The following ZNF469 variants were observed in gnomAD, a reference collection of about 807,000 sequenced individuals.
The protein encoded by ZNF469 is zinc finger protein 469.
Under a neutral mutation model 1.0 loss-of-function variants are expected in ZNF469, and 1 was observed. The observed-to-expected ratio is 1.00, with a 90% CI of 0.35 to 4.73. The LOEUF is 4.73. Among genes scored for constraint, ZNF469 ranks in the 30% most tolerant of loss-of-function variants. The probability of loss-of-function intolerance (pLI) is 0.16; values close to 1 mark genes in which losing one functional copy is unlikely to be tolerated. For synonymous variants in ZNF469, 2,703 were observed against 2,363.4 expected, an observed-to-expected ratio of 1.14 and a Z score of -4.17; for missense variants, 6,100 against 5,356.3, an observed-to-expected ratio of 1.14 and a Z score of -4.33.
At chr16:88,407,629 G>A (rs1328446925) in intron 1 of ZNF469, among the ~76,000 whole-genome samples, 2 of 152,226 alleles carry the variant, frequency 1.3e-5, no homozygotes, top group Non-Finnish European at 2.9e-5. Context: ...AGAGTCATTT[G>A]CCCAGATGGC....
chr16:88,151,794 C>T, the ZNF469 span, among the ~76,000 whole-genome samples: 3 of 152,318 alleles, frequency 2.0e-5, no homozygotes, highest in East Asian at 5.8e-4. The surrounding 1 kb of genome is among the most constrained non-coding windows in gnomAD (Gnocchi z 5.4). Context: ...AGAACCTGAG[C>T]CCAGGCTTTG....
chr16:88,372,559 T>C, the ZNF469 span, among the ~76,000 whole-genome samples: 1 of 148,244 alleles, frequency 6.7e-6, no homozygotes, highest in Non-Finnish European at 1.5e-5. Flanking sequence ...CTTTACCATC[T>C]TCACCATCAT....
rs746516114 is a variant in ZNF469 at position 88,428,340 on chromosome 16, G to A, written c.870G>A (p.Ala290=). 1.4e-5 allele frequency: 22 copies of A among 1,549,680 alleles called. No homozygotes were observed. Among genetic ancestry groups the A allele is most frequent in the East Asian group, 4.9e-5 (2 of 40,894 alleles). ...LHGASTKPFP[A]DVAGHAFTNG... is the part of the protein sequence containing the mutation. ...GGGCCAGCACAAAACCCTTCCCTGC[G>A]GATGTGGCTGGGCACGCATTCACCA... Residue 290 remains alanine, a synonymous_variant, in exon 3 of 3, where the codon GCG becomes GCA. Coordinates refer to ENST00000565624, the MANE Select transcript of ZNF469 (RefSeq NM_001367624.2).
chr16:88,231,144 G>A, the ZNF469 span, among the ~76,000 whole-genome samples: 6 of 152,306 alleles, frequency 3.9e-5, no homozygotes, highest in African/African-American at 1.4e-4. This position sits in a 1 kb window ranked among gnomAD's most constrained non-coding sequence, Gnocchi z 4.5. Flanking sequence ...ATGCTCATCA[G>A]AACCCATGGA....
chr16:88,129,556 T>C, the ZNF469 span, among the ~76,000 whole-genome samples: 5 of 152,212 alleles, frequency 3.3e-5, no homozygotes, highest in Non-Finnish European at 7.3e-5. Context: ...AAATATATTT[T>C]TGTTAAATTG....
chr16:88,159,024 A>ACG, the ZNF469 span, among the ~76,000 whole-genome samples: 1 of 152,052 alleles, frequency 6.6e-6, no homozygotes, highest in African/African-American at 2.4e-5. Context: ...CTTGTGGCCT[A>ACG]CGAGGTGATG....
the ZNF469 span, among the ~76,000 whole-genome samples, chr16:88,304,911 T>G: frequency 1.8e-4 from 27 of 152,288 alleles, no homozygotes; most frequent in African/African-American, 6.3e-4. Flanking sequence ...GGACATTGGC[T>G]TGGGATCCCT....
the ZNF469 span, among the ~76,000 whole-genome samples, chr16:88,243,949 T>TAA: frequency 0.034 from 3,228 of 94,212 alleles, 373 homozygotes; most frequent in Non-Finnish European, 0.056. Context: ...TATATATATA[T>TAA]ATAAATGTAT....
the ZNF469 span, among the ~76,000 whole-genome samples, chr16:88,320,997 C>G: frequency 6.6e-6 from 1 of 152,218 alleles, no homozygotes; most frequent in South Asian, 2.1e-4. Context: ...AATGAGACAC[C>G]GTGGCTGCCA....
chr16:88,328,155 C>T, the ZNF469 span, among the ~76,000 whole-genome samples: 1 of 152,276 alleles, frequency 6.6e-6, no homozygotes, highest in African/African-American at 2.4e-5. Flanking sequence ...CGAGTCTGTG[C>T]TTCTCGCCCG....
At chr16:88,266,407 C>T in the ZNF469 span, among the ~76,000 whole-genome samples, 762 of 148,710 alleles carry the variant, frequency 5.1e-3, 5 homozygotes, top group African/African-American at 0.018. Context: ...TACGGCCTGT[C>T]GTGCACACGA....
At position 88,433,725 on chromosome 16, in the gene ZNF469, G is replaced by A. The variant is rs1296847847; in HGVS notation, c.6255G>A (p.Glu2085=). 3.9e-6 allele frequency: 6 copies of A among 1,548,888 alleles called. No individual in the cohort carries two copies. The Admixed American group carries it at 1.2e-4, about 30-fold the overall frequency. Residue 2085 remains glutamate, a synonymous_variant, in exon 3 of 3, where the codon GAG becomes GAA. Transcript: ENST00000565624. ...GTGGATCTGAGGGCCGGACTCCAGA[G>A]AGGGCGTCCAGCCCCGGCCTGAACA... ...SRSGSEGRTP[E]RASSPGLNKP...
At chr16:88,409,014 G>A (rs1395476841) in intron 1 of ZNF469, among the ~76,000 whole-genome samples, 1 of 152,346 alleles carries the variant, frequency 6.6e-6, no homozygotes, top group Middle Eastern at 3.4e-3. Context: ...CAGCCCAGCA[G>A]GGGGGCCCTC....
At chr16:88,264,808 C>A in the ZNF469 span, among the ~76,000 whole-genome samples, 39,870 of 151,630 alleles carry the variant, frequency 0.26, 5,417 homozygotes, top group East Asian at 0.44. Flanking sequence ...GCCACACGGC[C>A]CCCCGCCTCG....
chr16:88,438,977 G>A lies in ZNF469; in HGVS notation c.11507G>A (p.Arg3836Lys). 6.4e-7 allele frequency: 1 copy of A among 1,550,466 alleles called. No individual in the cohort carries two copies. Among genetic ancestry groups the A allele is most frequent in the Non-Finnish European group, 8.7e-7 (1 of 1,146,976 alleles). The change falls in exon 3 of 3, where the codon AGA (arginine) becomes AAA (lysine). Residue 3836 changes from arginine (R) to lysine (K), a missense_variant. By Grantham distance (26) the Arg-to-Lys change is conservative (BLOSUM62 2). Coordinates refer to ENST00000565624, the MANE Select transcript of ZNF469 (RefSeq NM_001367624.2). ...ARSESVGSFG[R>K]APSAPDKPPR... ...AGTGAAAGTGTGGGGAGCTTCGGGA[G>A]AGCCCCCTCAGCCCCTGACAAGCCC...
chr16:88,323,935 T>C, the ZNF469 span, among the ~76,000 whole-genome samples: 1 of 152,046 alleles, frequency 6.6e-6, no homozygotes, highest in South Asian at 2.1e-4. Flanking sequence ...TTCCCTACCA[T>C]GGTAGAACAA....
intron 1 of ZNF469, among the ~76,000 whole-genome samples, chr16:88,393,168 A>G (rs1904536433): frequency 6.6e-6 from 1 of 152,280 alleles, no homozygotes; most frequent in South Asian, 2.1e-4. Context: ...AACGCGGACC[A>G]GCCCGTGTGC....
At chr16:88,371,952 C>G in the ZNF469 span, among the ~76,000 whole-genome samples, 2 of 131,082 alleles carry the variant, frequency 1.5e-5, no homozygotes, top group African/African-American at 2.9e-5. Flanking sequence ...TCATCACCAT[C>G]ACCACCATCA....
chr16:88,223,270 C>A, the ZNF469 span, among the ~76,000 whole-genome samples: 2 of 152,216 alleles, frequency 1.3e-5, no homozygotes, highest in African/African-American at 4.8e-5. Context: ...AAGTCTCATG[C>A]GATCTGCGGG....
Sources: gnomAD v4.1 joint callset for allele counts (sites outside exome capture counted in the v4.1 genomes callset) on GRCh38, gnomAD v4.1.1 for gene constraint, Gnocchi (gnomAD v3.1) non-coding constraint, MANE v1.5 for transcripts, NCBI Gene and HGNC (gene_info 2026-07-23, HGNC 2026-07-21) for gene names.